Variants in SVEP1 observed in about 807,000 individuals in gnomAD.
The protein encoded by SVEP1 is sushi, von Willebrand factor type A, EGF and pentraxin domain containing 1.
A neutral mutation model predicts 367.3 loss-of-function variants in SVEP1; 164 were observed. That is an observed-to-expected ratio of 0.45 (90% CI 0.39 to 0.51). SVEP1 has a LOEUF of 0.51. Among genes scored for constraint, SVEP1 ranks in the 20% least tolerant of loss-of-function variants. The pLI, the probability that SVEP1 is intolerant of heterozygous loss-of-function variation, is 0.00. For missense variants in SVEP1, 4,117 were observed against 4,425.3 expected (o/e 0.93, Z 1.98); for synonymous variants, 1,666 against 1,611.6 (o/e 1.03, Z -0.81).
chr9:110,474,491 A>T (rs2118680031), intron 14 of SVEP1, among the ~76,000 whole-genome samples: 1 of 152,196 alleles, frequency 6.6e-6, no homozygotes, highest in Middle Eastern at 3.4e-3. Context: ...CACATGTGCC[A>T]CCTGCCCATG....
rs371717298 is a variant in SVEP1 at position 110,429,940 on chromosome 9, A to C, written c.5595T>G (p.Phe1865Leu). 104 of 1,612,838 alleles carry C rather than the reference A, an allele frequency of 6.4e-5. 1 individual carries two copies. In the East Asian group the frequency reaches 6.5e-4, roughly 10 times the overall value. ...NGCIEELAFTFGSKVTYRCNK... is the reference protein window; with the variant it reads ...NGCIEELAFTLGSKVTYRCNK... Reference sequence around the variant, plus strand: ...CTTACCTATATGTCACTTTGCTGCCAAAAGTAAATGCTAACTCCTCAATGC... The same window carrying C: ...CTTACCTATATGTCACTTTGCTGCCCAAAGTAAATGCTAACTCCTCAATGC... The change falls in exon 34 of 48, where the codon TTT becomes TTG. Residue 1865 changes from phenylalanine (F) to leucine (L), a missense_variant. Phe to Leu is a conservative substitution (Grantham distance 22, BLOSUM62 0). Transcript: ENST00000374469.
chr9:110,438,090 T>G (rs1266651603), intron 27 of SVEP1, among the ~76,000 whole-genome samples: 1 of 151,924 alleles, frequency 6.6e-6, no homozygotes, highest in African/African-American at 2.4e-5. Context: ...CTCAGTATCA[T>G]ACTATACAGA....
chr9:110,546,002 T>C, intron 3 of SVEP1, 113 bp downstream of exon 3: 2 of 1,298,230 alleles, frequency 1.5e-6, no homozygotes, highest in South Asian at 1.5e-5. Context: ...GATGTGCCAC[T>C]GACCCCACAC....
chr9:110,397,831 T>G (rs190347903), intron 40 of SVEP1, among the ~76,000 whole-genome samples: 12 of 151,950 alleles, frequency 7.9e-5, no homozygotes, highest in Non-Finnish European at 1.5e-4. Context: ...CACTGCTCAA[T>G]GAAATAAAAG....
At chr9:110,431,326 A>G (rs1828346177) in intron 32 of SVEP1, among the ~76,000 whole-genome samples, 1 of 152,208 alleles carries the variant, frequency 6.6e-6, no homozygotes, top group Non-Finnish European at 1.5e-5. Flanking sequence ...ATATTACATG[A>G]AATAACTAAA....
chr9:110,385,059 C>T (rs567790186), intron 43 of SVEP1, among the ~76,000 whole-genome samples: 3 of 116,522 alleles, frequency 2.6e-5, no homozygotes, highest in African/African-American at 1.0e-4. Flanking sequence ...TGGCTCATTG[C>T]AACCTCCACC....
chr9:110,410,967 C>T lies in SVEP1; in HGVS notation c.6648+96G>A, dbSNP rs1828034994. 4 of 1,111,110 alleles carry T rather than the reference C, an allele frequency of 3.6e-6. No individual in the cohort carries two copies. In the East Asian group the frequency reaches 8.0e-5, roughly 22 times the overall value. The allele number at this position is 1,111,110 out of a possible 1,614,324, so 68.8% of individuals were successfully genotyped here. On this transcript the variant is annotated intron_variant, in intron 37 of 47. Coordinates refer to ENST00000374469, the MANE Select transcript of SVEP1 (RefSeq NM_153366.4). ...ATTCCAGTTTCCATGCCTTAGTGAA[C>T]TTGGCAGTGTTTGGACTCAATTATT...
At chr9:110,393,203 C>T (rs1233784863) in intron 40 of SVEP1, among the ~76,000 whole-genome samples, 2 of 152,060 alleles carry the variant, frequency 1.3e-5, no homozygotes, top group African/African-American at 4.8e-5. Context: ...GATTAATATT[C>T]TTGCATGAAG....
chr9:110,571,726 C>T (rs1411407027), intron 1 of SVEP1, among the ~76,000 whole-genome samples: 1 of 152,180 alleles, frequency 6.6e-6, no homozygotes, highest in African/African-American at 2.4e-5. Flanking sequence ...ACCATCTCAG[C>T]CTCTGCCATT....
Position 110,435,275 on chromosome 9 carries a change from T to C in SVEP1, c.4854A>G (p.Lys1618=). Residue 1618 remains lysine (K), a synonymous_variant, in exon 29 of 48, where the codon AAA becomes AAG. Transcript: ENST00000374469. ...WPDFLSGIVG[K]VKIDSKSIFC... ...ATATGCTCTTAGAATCGATCTTCAC[T>C]TTCCCCACAATTCCTGACAAGAAAT... 1 of 1,613,512 alleles carries C rather than the reference T, an allele frequency of 6.2e-7. No individual in the cohort carries two copies. The highest frequency in any genetic ancestry group is 8.5e-7 in the Non-Finnish European group (1 of 1,179,508).
chr9:110,559,773 A>G (rs1296324824), intron 1 of SVEP1, among the ~76,000 whole-genome samples: 1 of 152,186 alleles, frequency 6.6e-6, no homozygotes, highest in Non-Finnish European at 1.5e-5. Flanking sequence ...ATCCCAGAAT[A>G]ATTTGCAATA....
intron 9 of SVEP1, among the ~76,000 whole-genome samples, chr9:110,488,577 C>T (rs759356404): frequency 6.6e-5 from 10 of 151,978 alleles, no homozygotes; most frequent in Admixed American, 1.3e-4. Context: ...TAATGTAAAA[C>T]GTAGCTGGGT....
intron 18 of SVEP1, 78 bp from the exon 19 acceptor site, chr9:110,459,191 A>T: frequency 2.2e-6 from 3 of 1,370,686 alleles, no homozygotes; most frequent in Non-Finnish European, 3.0e-6. Context: ...TAATCTGTGC[A>T]TATAAGAAAC....
chr9:110,574,777 A>C (rs1220231276), intron 1 of SVEP1, among the ~76,000 whole-genome samples: 2 of 107,902 alleles, frequency 1.9e-5, no homozygotes, highest in Non-Finnish European at 1.7e-5. Context: ...GAGGAGTCTC[A>C]CTCTGTCACC....
chr9:110,378,219 T>C (rs1282226982), intron 44 of SVEP1, among the ~76,000 whole-genome samples: 1 of 152,216 alleles, frequency 6.6e-6, no homozygotes, highest in Non-Finnish European at 1.5e-5. Context: ...ACAACACTCA[T>C]TCTGACTTTA....
At chr9:110,551,287 T>G (rs893303929) in intron 1 of SVEP1, among the ~76,000 whole-genome samples, 13 of 152,222 alleles carry the variant, frequency 8.5e-5, no homozygotes, top group African/African-American at 3.1e-4. Context: ...TCTCTCAGAC[T>G]ATGAGATTCA....
At chr9:110,540,259 C>T (rs1830128305) in intron 3 of SVEP1, among the ~76,000 whole-genome samples, 1 of 151,940 alleles carries the variant, frequency 6.6e-6, no homozygotes, top group Non-Finnish European at 1.5e-5. Flanking sequence ...GTAAGTAACA[C>T]CTTCTTTTCA....
At chr9:110,447,972 G>A (rs1015729594) in intron 24 of SVEP1, among the ~76,000 whole-genome samples, 1 of 151,942 alleles carries the variant, frequency 6.6e-6, no homozygotes, top group Admixed American at 6.6e-5. Context: ...AAAAAAAACC[G>A]AATTGCAAAA....
intron 3 of SVEP1, among the ~76,000 whole-genome samples, chr9:110,528,156 G>GTGTGTGTGTGTGTGTATATATATATA: frequency 9.4e-4 from 32 of 33,936 alleles, no homozygotes; most frequent in South Asian, 2.9e-3. Context: ...GTGTGTGTGT[G>GTGTGTGTGTGTGTGTATATATATATA]TATATATATA....
Sources: allele counts gnomAD v4.1 joint callset (sites outside exome capture counted in the v4.1 genomes callset), GRCh38; gene constraint gnomAD v4.1.1; transcripts MANE v1.5; gene names NCBI Gene and HGNC (gene_info 2026-07-23, HGNC 2026-07-21).